Variants in SLC9A9 observed in about 807,000 individuals in gnomAD.
The protein encoded by SLC9A9 is solute carrier family 9 member A9.
Under a neutral mutation model 77.8 loss-of-function variants are expected in SLC9A9, and 62 were observed. The observed-to-expected ratio is 0.80, with a 90% CI of 0.65 to 0.98. The LOEUF (loss-of-function observed/expected upper bound fraction) is 0.98. SLC9A9 is among the 50% of genes least tolerant of loss of function. SLC9A9 has a pLI of 0.00. For synonymous variants in SLC9A9, 320 were observed against 283.5 expected (o/e 1.13, Z -1.29); for missense variants, 775 against 774.9 (o/e 1.00, Z 0.00).
chr3:143,601,843 T>C (rs753643760), intron 6 of SLC9A9, among the ~76,000 whole-genome samples: 1 of 152,022 alleles, frequency 6.6e-6, no homozygotes, highest in Non-Finnish European at 1.5e-5. Flanking sequence ...CTCGAGACAC[T>C]CTCACTTTGC....
intron 6 of SLC9A9, among the ~76,000 whole-genome samples, chr3:143,650,085 A>C (rs1296422744): frequency 6.6e-6 from 1 of 152,208 alleles, no homozygotes; most frequent in Non-Finnish European, 1.5e-5. Context: ...AGACTTGATT[A>C]GGCAGAAACA....
chr3:143,759,593 C>T (rs1384728791), intron 4 of SLC9A9, among the ~76,000 whole-genome samples: 1 of 151,744 alleles, frequency 6.6e-6, no homozygotes, highest in African/African-American at 2.4e-5. Context: ...GTCTGAGGTC[C>T]AGCTCTTTTC....
At chr3:143,844,709 TTCTCTTTCTTTC>T (rs1162686877) in intron 1 of SLC9A9, among the ~76,000 whole-genome samples, 8 of 149,056 alleles carry the variant, frequency 5.4e-5, no homozygotes, top group Non-Finnish European at 1.2e-4. Flanking sequence ...TTAACTTTCT[TTCTCTTTCTTTC>T]TTTCTTTCTT....
intron 4 of SLC9A9, among the ~76,000 whole-genome samples, chr3:143,773,836 C>T (rs2007606508): frequency 1.3e-5 from 2 of 152,144 alleles, no homozygotes; most frequent in South Asian, 4.1e-4. Context: ...GTTCCTGAAA[C>T]ATTAACCATT....
At chr3:143,461,101 A>G (rs11926170) in intron 12 of SLC9A9, among the ~76,000 whole-genome samples, 5,936 of 152,326 alleles carry the variant, frequency 0.039, 377 homozygotes, top group African/African-American at 0.14. Flanking sequence ...AATACAATCA[A>G]TACAGCTTGA....
intron 13 of SLC9A9, among the ~76,000 whole-genome samples, chr3:143,367,786 T>C (rs1178292451): frequency 6.6e-6 from 1 of 152,198 alleles, no homozygotes; most frequent in African/African-American, 2.4e-5. Flanking sequence ...ACAAGTTGAA[T>C]CTGGAACTTG....
chr3:143,641,385 CTTTTTTTT>C (rs529425639), intron 6 of SLC9A9, among the ~76,000 whole-genome samples: 2 of 78,820 alleles, frequency 2.5e-5, no homozygotes, highest in African/African-American at 9.2e-5. Context: ...TTGTCACAGT[CTTTTTTTT>C]TTTTTTTTTT....
chr3:143,725,022 C>T (rs895170736), intron 4 of SLC9A9, among the ~76,000 whole-genome samples: 1 of 152,186 alleles, frequency 6.6e-6, no homozygotes, highest in East Asian at 1.9e-4. Context: ...GCTCCTGCCC[C>T]CAGCCCCCCC....
chr3:143,395,030 A>G (rs189396127), intron 12 of SLC9A9, among the ~76,000 whole-genome samples: 19 of 152,342 alleles, frequency 1.2e-4, no homozygotes, highest in African/African-American at 4.6e-4. Flanking sequence ...TGCCCAAGGT[A>G]ATTTATAGAT....
intron 2 of SLC9A9, among the ~76,000 whole-genome samples, chr3:143,799,193 C>T (rs1198131015): frequency 6.6e-6 from 1 of 152,176 alleles, no homozygotes; most frequent in Non-Finnish European, 1.5e-5. Flanking sequence ...TATAAAAACC[C>T]AGCCCAGTCC....
Position 143,318,880 on chromosome 3 carries a change from T to C in SLC9A9, c.1604+44604A>G, listed in dbSNP as rs529765912. ...GAAGATCTCTTGGGAGAGATGAGCT[T>C]GAGCTTGGCCACGCAAGATGTGTTG... On this transcript the variant is annotated intron_variant, in intron 14 of 15. Coordinates refer to ENST00000316549, the MANE Select transcript of SLC9A9 (RefSeq NM_173653.4). 1.5e-4 allele frequency among the ~76,000 whole-genome samples: 23 copies of C among 152,224 alleles called. No individual in the cohort carries two copies. In the East Asian group the frequency reaches 4.2e-3, roughly 28 times the overall value.
chr3:143,276,892 C>A (rs1938067366), intron 14 of SLC9A9, among the ~76,000 whole-genome samples: 1 of 152,156 alleles, frequency 6.6e-6, no homozygotes, highest in Non-Finnish European at 1.5e-5. Context: ...CCCTAGAGAC[C>A]TGAGTTAGGA....
At chr3:143,721,038 G>A (rs902091634) in intron 4 of SLC9A9, among the ~76,000 whole-genome samples, 2 of 152,162 alleles carry the variant, frequency 1.3e-5, no homozygotes, top group Non-Finnish European at 2.9e-5. Flanking sequence ...GTGAGACCTT[G>A]TCTCTACAGA....
chr3:143,395,711 C>G, intron 12 of SLC9A9, among the ~76,000 whole-genome samples: 1 of 152,134 alleles, frequency 6.6e-6, no homozygotes. Context: ...TGACGAAGGG[C>G]TAATATCCAG....
intron 14 of SLC9A9, among the ~76,000 whole-genome samples, chr3:143,333,263 G>T (rs1559871678): frequency 7.9e-6 from 1 of 127,248 alleles, no homozygotes; most frequent in Admixed American, 1.1e-4. Context: ...TCAGAGACAT[G>T]TTGGCTCACT....
At chr3:143,778,138 A>G (rs2007758377) in intron 4 of SLC9A9, among the ~76,000 whole-genome samples, 1 of 151,756 alleles carries the variant, frequency 6.6e-6, no homozygotes, top group Non-Finnish European at 1.5e-5. Context: ...AATGATTTCA[A>G]TCACTGTGTA....
chr3:143,368,391 A>C (rs1470564132), intron 13 of SLC9A9, among the ~76,000 whole-genome samples: 1 of 152,224 alleles, frequency 6.6e-6, no homozygotes, highest in Non-Finnish European at 1.5e-5. Context: ...ACTTTGATGA[A>C]AAAGAACTAG....
At chr3:143,517,386 GA>G in intron 9 of SLC9A9, 1 of 1,478,628 alleles carries the variant, frequency 6.8e-7, no homozygotes. Context: ...AAGCCACCTG[GA>G]AAAGAGCCAT....
chr3:143,791,784 C>T (rs1228800907), intron 4 of SLC9A9, among the ~76,000 whole-genome samples: 1 of 152,158 alleles, frequency 6.6e-6, no homozygotes, highest in African/African-American at 2.4e-5. Context: ...TGCAAATCTG[C>T]GTATATCTGC....
Sources: allele counts gnomAD v4.1 joint callset (sites outside exome capture counted in the v4.1 genomes callset), GRCh38; gene constraint gnomAD v4.1.1; transcripts MANE v1.5; gene names NCBI Gene and HGNC (gene_info 2026-07-23, HGNC 2026-07-21).